EVL: variants seen among roughly 807,000 people sequenced by gnomAD.
The protein encoded by EVL is ena/VASP-like protein.
EVL carries 21 observed loss-of-function variants against 59.6 expected under a neutral mutation model. The observed-to-expected ratio is 0.35, with a 90% CI of 0.25 to 0.51. The LOEUF (loss-of-function observed/expected upper bound fraction) is 0.51, where lower values mean the gene tolerates loss of function less well. Among genes scored for constraint, EVL ranks in the 20% least tolerant of loss-of-function variants. The probability of loss-of-function intolerance (pLI) is 0.97; values close to 1 mark genes in which losing one functional copy is unlikely to be tolerated. For synonymous variants in EVL, 198 were observed against 203.5 expected (o/e 0.97, Z 0.23); for missense variants, 462 against 546.6 (o/e 0.85, Z 1.54).
intron 1 of EVL, among the ~76,000 whole-genome samples, chr14:100,028,666 C>T (rs955626986): frequency 3.3e-5 from 5 of 152,052 alleles, no homozygotes; most frequent in Non-Finnish European, 2.9e-5. Flanking sequence ...CAAAAATCAG[C>T]GAGGCATGGT....
chr14:100,110,677 C>T (rs570279520), intron 3 of EVL, among the ~76,000 whole-genome samples: 26 of 152,134 alleles, frequency 1.7e-4, no homozygotes, highest in Non-Finnish European at 3.2e-4. Flanking sequence ...GCATGCCTCA[C>T]GGGTGCCCCT....
At chr14:100,088,463 A>G (rs949255197) in intron 2 of EVL, among the ~76,000 whole-genome samples, 4 of 152,152 alleles carry the variant, frequency 2.6e-5, no homozygotes, top group African/African-American at 9.7e-5. Context: ...ACACAAACCT[A>G]GATGGTACAG....
chr14:100,033,948 G>A (rs2061350257), intron 1 of EVL, among the ~76,000 whole-genome samples: 1 of 152,102 alleles, frequency 6.6e-6, no homozygotes, highest in Non-Finnish European at 1.5e-5. Context: ...ACTGTAGGCC[G>A]GGCATGGTGG....
chr14:100,113,187 T>C (rs570107716), intron 3 of EVL, among the ~76,000 whole-genome samples: 2 of 152,088 alleles, frequency 1.3e-5, no homozygotes, highest in African/African-American at 4.8e-5. Flanking sequence ...CACAGAGGCA[T>C]GTGAACCTAG....
At chr14:100,143,549 C>T (rs577970698) in intron 13 of EVL, 152 bp from the exon 14 acceptor site, 3 of 885,750 alleles carry the variant, frequency 3.4e-6, no homozygotes, top group Admixed American at 2.1e-5. Flanking sequence ...GGTCATCACC[C>T]CAGAGGTCTA....
intron 1 of EVL, among the ~76,000 whole-genome samples, chr14:99,983,400 G>GC (rs1373059982): frequency 6.6e-6 from 1 of 152,170 alleles, no homozygotes; most frequent in Non-Finnish European, 1.5e-5. Context: ...GGAAACATGA[G>GC]CCAGTGTGTG....
intron 1 of EVL, among the ~76,000 whole-genome samples, chr14:99,981,040 G>C (rs2060802623): frequency 6.6e-6 from 1 of 151,732 alleles, no homozygotes; most frequent in Non-Finnish European, 1.5e-5. Context: ...TTTGAGACCG[G>C]CGGCGGTGGG....
At chr14:100,006,210 A>G (rs1224248699) in intron 1 of EVL, among the ~76,000 whole-genome samples, 1 of 152,174 alleles carries the variant, frequency 6.6e-6, no homozygotes, top group Non-Finnish European at 1.5e-5. Flanking sequence ...AAGCAAAACA[A>G]ACGATGGCAC....
intron 3 of EVL, among the ~76,000 whole-genome samples, chr14:100,110,678 G>A (rs903076135): frequency 2.0e-5 from 3 of 152,126 alleles, no homozygotes; most frequent in African/African-American, 4.8e-5. Flanking sequence ...CATGCCTCAC[G>A]GGTGCCCCTA....
intron 11 of EVL, chr14:100,138,035 A>C (rs1226842456): frequency 5.1e-6 from 3 of 584,900 alleles, no homozygotes; most frequent in Non-Finnish European, 9.1e-6. Flanking sequence ...CTGTCCACAG[A>C]GGTAGTGCAG....
At chr14:100,013,406 A>G (rs2061029397) in intron 1 of EVL, among the ~76,000 whole-genome samples, 1 of 152,242 alleles carries the variant, frequency 6.6e-6, no homozygotes, top group African/African-American at 2.4e-5. Context: ...AATGCACATC[A>G]CAGCATCCCC....
At chr14:99,994,690 C>T (rs1387237014) in intron 1 of EVL, among the ~76,000 whole-genome samples, 1 of 152,152 alleles carries the variant, frequency 6.6e-6, no homozygotes, top group Non-Finnish European at 1.5e-5. Flanking sequence ...TACTCACCTA[C>T]ATTACAATAC....
At position 100,126,781 on chromosome 14, in the gene EVL, C is replaced by T. The variant is rs1888099190; in HGVS notation, c.487+10C>T. 1 of 1,613,094 alleles carries T rather than the reference C, an allele frequency of 6.2e-7. No homozygotes were observed. The highest frequency in any genetic ancestry group is 1.1e-5 in the South Asian group (1 of 91,058). Reference sequence around the variant, plus strand: ...AGAACCTCGGCCACAGGTGAGAGCCCTCCTCCCCTAGGGCCGACTCCCATG... The same window carrying T: ...AGAACCTCGGCCACAGGTGAGAGCCTTCCTCCCCTAGGGCCGACTCCCATG... On this transcript the variant is annotated intron_variant, in intron 5 of 13. Coordinates refer to ENST00000392920, the MANE Select transcript of EVL (RefSeq NM_016337.3).
At chr14:100,054,669 T>C (rs1170859535) in intron 1 of EVL, among the ~76,000 whole-genome samples, 1 of 152,138 alleles carries the variant, frequency 6.6e-6, no homozygotes. Context: ...TTGCCTTCTC[T>C]GTGGAAGCCC....
intron 1 of EVL, among the ~76,000 whole-genome samples, chr14:99,991,645 A>T (rs1291938382): frequency 6.6e-6 from 1 of 152,252 alleles, no homozygotes; most frequent in African/African-American, 2.4e-5. Context: ...TACTAGAGCA[A>T]TGCGAAAATA....
chr14:100,013,056 G>A (rs2061026765), intron 1 of EVL, among the ~76,000 whole-genome samples: 1 of 152,032 alleles, frequency 6.6e-6, no homozygotes, highest in Non-Finnish European at 1.5e-5. Context: ...GGAGGTTGTG[G>A]GGAGTTAAAC....
At chr14:100,141,581 C>G (rs564004369) in intron 12 of EVL, among the ~76,000 whole-genome samples, 155 bp from the exon 13 acceptor site, 1 of 152,362 alleles carries the variant, frequency 6.6e-6, no homozygotes, top group Admixed American at 6.5e-5. Flanking sequence ...GCCGTCCCCC[C>G]TCAGCGTGGG....
intron 1 of EVL, among the ~76,000 whole-genome samples, chr14:100,035,058 T>C (rs1234459643): frequency 6.6e-6 from 1 of 152,218 alleles, no homozygotes; most frequent in Non-Finnish European, 1.5e-5. Flanking sequence ...AAGTTTGCCT[T>C]CTGTGTCTCT....
chr14:100,020,210 C>CTG (rs1295132839), intron 1 of EVL, among the ~76,000 whole-genome samples: 6 of 152,128 alleles, frequency 3.9e-5, no homozygotes, highest in Admixed American at 1.3e-4. Context: ...GGAAAGTGCC[C>CTG]TGATAGTGTT....
Sources: gnomAD v4.1 joint callset for allele counts (sites outside exome capture counted in the v4.1 genomes callset) on GRCh38, gnomAD v4.1.1 for gene constraint, MANE v1.5 for transcripts, NCBI Gene and HGNC (gene_info 2026-07-23, HGNC 2026-07-21) for gene names.